DMD: variants seen among roughly 807,000 people sequenced by gnomAD.
The protein encoded by DMD is dystrophin.
Under a neutral mutation model 330.1 loss-of-function variants are expected in DMD, and 63 were observed. The observed-to-expected ratio is 0.19, with a 90% confidence interval of 0.16 to 0.24. The LOEUF (loss-of-function observed/expected upper bound fraction) is 0.24, where lower values mean the gene tolerates loss of function less well. DMD is among the 10% of genes least tolerant of loss of function. The probability of loss-of-function intolerance (pLI) is 1.00; values close to 1 mark genes in which losing one functional copy is unlikely to be tolerated. For missense variants in DMD, 3,344 were observed against 2,684.1 expected (o/e 1.25, Z -5.43); for synonymous variants, 1,223 against 959.8 (o/e 1.27, Z -5.07).
At chrX:31,148,539 C>A (rs1242515448) in intron 74 of DMD, among the ~76,000 whole-genome samples, 1 of 112,242 alleles carries the variant, frequency 8.9e-6, no homozygotes, top group Non-Finnish European at 1.9e-5. Flanking sequence ...CCTTGGATAC[C>A]TGTTGAAGAG....
chrX:32,071,050 A>C (rs781203975), intron 44 of DMD, among the ~76,000 whole-genome samples: 1 of 111,321 alleles, frequency 9.0e-6, no homozygotes, highest in African/African-American at 3.3e-5. Flanking sequence ...ACATTTTCTT[A>C]ATCCAGTCTA....
At chrX:33,112,378 A>C (rs1016071725) in intron 1 of DMD, among the ~76,000 whole-genome samples, 1 of 111,741 alleles carries the variant, frequency 8.9e-6, no homozygotes, top group Non-Finnish European at 1.9e-5. Context: ...AGGGGAGATT[A>C]ATTATTTCTA....
chrX:32,437,685 C>A (rs1326113986), intron 29 of DMD, among the ~76,000 whole-genome samples: 1 of 112,176 alleles, frequency 8.9e-6, no homozygotes, highest in East Asian at 2.8e-4. Context: ...AATGGGTTTT[C>A]TTCTTGACAA....
At chrX:33,249,615 G>C (rs983503193) in intron 1 of DMD, among the ~76,000 whole-genome samples, 1 of 111,458 alleles carries the variant, frequency 9.0e-6, no homozygotes, top group African/African-American at 3.3e-5. Flanking sequence ...TTTTAACAAC[G>C]TAGGAAACAG....
intron 1 of DMD, among the ~76,000 whole-genome samples, chrX:33,280,642 G>T (rs1018189746): frequency 9.0e-6 from 1 of 111,596 alleles, no homozygotes; most frequent in Non-Finnish European, 1.9e-5. Flanking sequence ...GGTTTCACAG[G>T]TATATGAATA....
intron 2 of DMD, among the ~76,000 whole-genome samples, chrX:33,013,551 G>A (rs2147682431): frequency 8.9e-6 from 1 of 111,843 alleles, no homozygotes; most frequent in African/African-American, 3.2e-5. Context: ...GGGCACAGGA[G>A]CCATTTTAGA....
intron 45 of DMD, among the ~76,000 whole-genome samples, chrX:31,962,058 T>A (rs191451243): frequency 9.0e-6 from 1 of 111,125 alleles, no homozygotes; most frequent in Non-Finnish European, 1.9e-5. Context: ...ACTGCGGGAC[T>A]GCATCCTGGT....
intron 54 of DMD, among the ~76,000 whole-genome samples, chrX:31,652,453 G>A (rs2080512125): frequency 9.0e-6 from 1 of 111,440 alleles, no homozygotes; most frequent in Non-Finnish European, 1.9e-5. Context: ...CCAATTACTG[G>A]GCCTACCTAG....
intron 57 of DMD, among the ~76,000 whole-genome samples, chrX:31,489,128 A>G (rs904135135): frequency 9.0e-6 from 1 of 111,205 alleles, no homozygotes; most frequent in African/African-American, 3.3e-5. Context: ...TGGTTTACTC[A>G]CTCACACAGG....
chrX:32,667,568 TAGG>T (rs2061380709), intron 9 of DMD, among the ~76,000 whole-genome samples: 1 of 111,405 alleles, frequency 9.0e-6, no homozygotes, highest in African/African-American at 3.3e-5. Context: ...GGAAATGTAT[TAGG>T]ACATGATAAT....
chrX:32,887,509 G>A (rs1048518846), intron 2 of DMD, among the ~76,000 whole-genome samples: 3 of 108,398 alleles, frequency 2.8e-5, no homozygotes, highest in Non-Finnish European at 5.7e-5. Context: ...CAGTACTTTG[G>A]GAGGTTGAGG....
intron 50 of DMD, among the ~76,000 whole-genome samples, chrX:31,790,982 C>T (rs1407009757): frequency 1.8e-5 from 2 of 111,859 alleles, no homozygotes; most frequent in Non-Finnish European, 3.8e-5. Flanking sequence ...AAAATGTCTA[C>T]TACATGTTTG....
At chrX:33,231,918 G>A (rs1000164321) in intron 1 of DMD, among the ~76,000 whole-genome samples, 8 of 111,453 alleles carry the variant, frequency 7.2e-5, no homozygotes, top group African/African-American at 2.0e-4. Flanking sequence ...ACCAACAGGA[G>A]ACTACTCGGC....
At chrX:31,997,624 G>T (rs1057485831) in intron 44 of DMD, among the ~76,000 whole-genome samples, 17 of 110,188 alleles carry the variant, frequency 1.5e-4, no homozygotes, top group Non-Finnish European at 2.7e-4. Context: ...TATTTTTAAA[G>T]GGCATGTGGC....
intron 47 of DMD, among the ~76,000 whole-genome samples, chrX:31,918,869 T>G (rs1268750307): frequency 8.9e-6 from 1 of 111,756 alleles, no homozygotes; most frequent in Non-Finnish European, 1.9e-5. Context: ...AACTCTGACC[T>G]CAAGTGGCCT....
At chrX:32,635,542 A>G (rs2059037499) in intron 11 of DMD, among the ~76,000 whole-genome samples, 1 of 112,088 alleles carries the variant, frequency 8.9e-6, no homozygotes, top group Admixed American at 9.5e-5. Context: ...GGAATCAGAA[A>G]TCATGATATA....
rs201162726 is a variant in DMD, at chrX:32,667,767, G to GTTTTTTTTT, written c.961-22624_961-22616dup. 1.4e-3 allele frequency among the ~76,000 whole-genome samples: 113 copies of GTTTTTTTTT among 81,624 alleles called. 1 individual carries two copies. The highest frequency in any genetic ancestry group is 5.6e-3 in the African/African-American group (110 of 19,794). 70.9% of individuals were successfully genotyped at this position (81,624 alleles called of 115,157 possible). A position where few individuals can be genotyped will look rare whatever the true frequency, so the allele number is the denominator to read the frequency against. ...AGTTCTCACCATTCTCTGCTTTTGT[G>GTTTTTTTTT]TTTTTTTTTTTTTTTTTTCCAGTTT... On this transcript the variant is annotated intron_variant, in intron 9 of 78. Coordinates refer to ENST00000357033, the MANE Select transcript of DMD (RefSeq NM_004006.3).
intron 67 of DMD, among the ~76,000 whole-genome samples, chrX:31,186,411 A>G (rs1006399651): frequency 8.9e-6 from 1 of 112,229 alleles, no homozygotes; most frequent in East Asian, 2.8e-4. Context: ...CAGAAAACCA[A>G]GTATTGCATG....
chrX:31,478,363 C>T lies in DMD; in HGVS notation c.8680G>A (p.Glu2894Lys). The T allele has an allele frequency of 8.3e-7, 1 of 1,211,894 alleles. No individual in the cohort carries two copies. The highest frequency in any genetic ancestry group is 1.8e-5 in the South Asian group (1 of 56,998). Residue 2894 changes from glutamate (E) to lysine (K), a missense_variant, in exon 59 of 79, where the codon GAG becomes AAG. Glu to Lys is a moderately conservative substitution (Grantham distance 56). Coordinates refer to ENST00000357033, the MANE Select transcript of DMD (RefSeq NM_004006.3). ...CGAGTGACATTCTGGGCTCTCTCCT[C>T]AGGAGGCAGCTCTAAATTGGCAATA... Reference protein sequence around the residue: ...LYQEPRELPPEERAQNVTRLL... With the variant: ...LYQEPRELPPKERAQNVTRLL...
Sources: allele counts gnomAD v4.1 joint callset (sites outside exome capture counted in the v4.1 genomes callset), GRCh38; gene constraint gnomAD v4.1.1; transcripts MANE v1.5; gene names NCBI Gene and HGNC (gene_info 2026-07-23, HGNC 2026-07-21).